Variants in DAB1 observed in about 807,000 individuals in gnomAD.
The protein encoded by DAB1 is DAB adaptor protein 1.
DAB1 carries 15 observed loss-of-function variants against 64.6 expected under a neutral mutation model. The ratio of observed to expected loss-of-function variants is 0.23; its 90% confidence interval spans 0.16 to 0.36. The LOEUF (loss-of-function observed/expected upper bound fraction) is 0.36. Among genes scored for constraint, DAB1 ranks in the 10% least tolerant of loss-of-function variants. The probability of loss-of-function intolerance (pLI) is 1.00; values close to 1 mark genes in which losing one functional copy is unlikely to be tolerated. For missense variants in DAB1, 596 were observed against 706.7 expected (o/e 0.84, Z 1.78); for synonymous variants, 235 against 251.9 (o/e 0.93, Z 0.64).
chr1:57,439,421 T>TTTTG (rs1558381279), intron 7 of DAB1, among the ~76,000 whole-genome samples: 12 of 118,938 alleles, frequency 1.0e-4, no homozygotes, highest in African/African-American at 4.1e-4. Flanking sequence ...TGATGAGGTT[T>TTTTG]TTTCTTTTTT....
intron 7 of DAB1, among the ~76,000 whole-genome samples, chr1:57,515,175 C>T (rs941918744): frequency 2.6e-5 from 4 of 152,032 alleles, no homozygotes; most frequent in Non-Finnish European, 4.4e-5. Context: ...TAAAGCCAAA[C>T]CAAAAAAATG....
At chr1:58,274,904 C>CT (rs1432466952) in intron 4 of DAB1, among the ~76,000 whole-genome samples, 142 of 152,046 alleles carry the variant, frequency 9.3e-4, no homozygotes, top group African/African-American at 3.3e-3. Flanking sequence ...CGCCCACTGT[C>CT]TGGCACTCCC....
intron 4 of DAB1, among the ~76,000 whole-genome samples, chr1:57,097,374 A>C (rs1654258387): frequency 6.6e-6 from 1 of 152,208 alleles, no homozygotes; most frequent in Non-Finnish European, 1.5e-5. Context: ...GAGCTGATGG[A>C]TGCTTCTACA....
At chr1:57,430,803 A>G (rs1284537182) in intron 7 of DAB1, among the ~76,000 whole-genome samples, 4 of 152,122 alleles carry the variant, frequency 2.6e-5, no homozygotes, top group Admixed American at 2.0e-4. Context: ...CATGCTTATA[A>G]TCAAATTCTA....
chr1:57,964,973 A>C (rs1401677450), intron 5 of DAB1, among the ~76,000 whole-genome samples: 1 of 152,192 alleles, frequency 6.6e-6, no homozygotes, highest in African/African-American at 2.4e-5. Flanking sequence ...AACTAAAAAA[A>C]GTGTTTCACC....
At chr1:57,159,187 C>G (rs1452396182) in intron 2 of DAB1, among the ~76,000 whole-genome samples, 1 of 151,170 alleles carries the variant, frequency 6.6e-6, no homozygotes, top group East Asian at 1.9e-4. Context: ...TTTTTTTCTT[C>G]CTCTGGGTCT....
chr1:58,366,428 A>T (rs1225591477), intron 3 of DAB1, among the ~76,000 whole-genome samples: 1 of 152,232 alleles, frequency 6.6e-6, no homozygotes, highest in Non-Finnish European at 1.5e-5. Flanking sequence ...GCCTACTAAC[A>T]ACACAGCTAA....
chr1:57,887,888 GA>G (rs932201342), upstream of DAB1, among the ~76,000 whole-genome samples: 1 of 152,054 alleles, frequency 6.6e-6, no homozygotes, highest in African/African-American at 2.4e-5. Flanking sequence ...ACTTCATAGG[GA>G]AAAAAATAAA....
intron 5 of DAB1, among the ~76,000 whole-genome samples, chr1:57,892,700 T>C (rs758307265): frequency 4.6e-5 from 7 of 152,192 alleles, no homozygotes; most frequent in Non-Finnish European, 1.0e-4. Context: ...ACACGTACAA[T>C]ACATTGCAAT....
chr1:58,329,940 C>T (rs901775964), intron 4 of DAB1, among the ~76,000 whole-genome samples: 2 of 152,090 alleles, frequency 1.3e-5, no homozygotes, highest in Non-Finnish European at 2.9e-5. Flanking sequence ...AATTAATAAC[C>T]TTACAATGGC....
intron 5 of DAB1, among the ~76,000 whole-genome samples, chr1:58,127,934 C>T (rs1370186547): frequency 6.6e-6 from 1 of 152,128 alleles, no homozygotes; most frequent in African/African-American, 2.4e-5. Flanking sequence ...ATTGACTTGG[C>T]TATGCGGGCT....
At chr1:57,202,260 T>C (rs1255792055) in intron 2 of DAB1, among the ~76,000 whole-genome samples, 2 of 152,200 alleles carry the variant, frequency 1.3e-5, no homozygotes, top group East Asian at 3.8e-4. Context: ...TGCTTGCAGG[T>C]GCAAAAAAAT....
chr1:57,308,259 G>T (rs923765188), intron 1 of DAB1, among the ~76,000 whole-genome samples: 1 of 152,136 alleles, frequency 6.6e-6, no homozygotes, highest in Non-Finnish European at 1.5e-5. Flanking sequence ...AGCTAGTCCT[G>T]CAAACAGTCA....
intron 7 of DAB1, among the ~76,000 whole-genome samples, chr1:57,492,493 T>G (rs1644177268): frequency 6.6e-6 from 1 of 152,230 alleles, no homozygotes; most frequent in African/African-American, 2.4e-5. Flanking sequence ...AAACTTCCTG[T>G]ATCTGAGCTG....
chr1:57,587,337 A>G (rs992430591), intron 7 of DAB1, among the ~76,000 whole-genome samples: 20 of 152,176 alleles, frequency 1.3e-4, no homozygotes, highest in Non-Finnish European at 1.6e-4. Context: ...TGAAAGGCAA[A>G]TAACACCTAG....
At chr1:58,510,794 A>T (rs969043598) in intron 2 of DAB1, among the ~76,000 whole-genome samples, 10 of 152,188 alleles carry the variant, frequency 6.6e-5, no homozygotes, top group African/African-American at 2.4e-4. Flanking sequence ...TACAAAAATC[A>T]GCATACAAAA....
chr1:58,266,496 G>C (rs1661166393), intron 4 of DAB1, among the ~76,000 whole-genome samples: 1 of 152,152 alleles, frequency 6.6e-6, no homozygotes, highest in Admixed American at 6.5e-5. Context: ...TGGGACATCT[G>C]GTAAGTCCCT....
intron 1 of DAB1, among the ~76,000 whole-genome samples, chr1:58,538,155 T>C (rs1646547047): frequency 1.3e-5 from 2 of 152,182 alleles, no homozygotes; most frequent in Admixed American, 6.5e-5. Context: ...AAGAAAGCTT[T>C]ATGAAGAAAC....
At chr1:57,438,585 A>AAGGAGGAGGAGG (rs138592942) in intron 7 of DAB1, among the ~76,000 whole-genome samples, 1 of 152,138 alleles carries the variant, frequency 6.6e-6, no homozygotes, top group Non-Finnish European at 1.5e-5. Flanking sequence ...CAAAATAAAG[A>AAGGAGGAGGAGG]AGGAGGAGGA....
Sources: gnomAD v4.1 joint callset for allele counts (sites outside exome capture counted in the v4.1 genomes callset) on GRCh38, gnomAD v4.1.1 for gene constraint, MANE v1.5 for transcripts, NCBI Gene and HGNC (gene_info 2026-07-23, HGNC 2026-07-21) for gene names.